The following ZNF652 variants were observed in gnomAD, a reference collection of about 807,000 sequenced individuals.
ZNF652 encodes zinc finger protein 652.
Under a neutral mutation model 45.2 loss-of-function variants are expected in ZNF652, and 16 were observed. The observed-to-expected ratio is 0.35, with a 90% confidence interval of 0.24 to 0.54. The LOEUF (loss-of-function observed/expected upper bound fraction) is 0.54. Among genes scored for constraint, ZNF652 ranks in the 20% least tolerant of loss-of-function variants. The pLI is 0.91. For synonymous variants in ZNF652, 250 were observed against 260.6 expected, an observed-to-expected ratio of 0.96 and a Z score of 0.39; for missense variants, 614 against 765.6, an observed-to-expected ratio of 0.80 and a Z score of 2.34.
chr17:49,306,548 A>G (rs948056335), intron 5 of ZNF652, among the ~76,000 whole-genome samples: 1 of 152,102 alleles, frequency 6.6e-6, no homozygotes, highest in African/African-American at 2.4e-5. Context: ...CAGCCTCCCA[A>G]AGTGCTGGGA....
chr17:49,345,480 G>A (rs2070195297), intron 1 of ZNF652, among the ~76,000 whole-genome samples: 2 of 151,064 alleles, frequency 1.3e-5, no homozygotes, highest in Non-Finnish European at 2.9e-5. Flanking sequence ...GGGATTACAG[G>A]CGTAAGCCAC....
chr17:49,308,407 G>T (rs1185225332), intron 5 of ZNF652, among the ~76,000 whole-genome samples: 1 of 152,138 alleles, frequency 6.6e-6, no homozygotes, highest in African/African-American at 2.4e-5. Context: ...GAACCTCTGG[G>T]CTCAAGATAT....
intron 5 of ZNF652, among the ~76,000 whole-genome samples, chr17:49,303,505 G>A (rs2069583745): frequency 6.6e-6 from 1 of 151,994 alleles, no homozygotes; most frequent in African/African-American, 2.4e-5. Flanking sequence ...CTCCCAAAGT[G>A]CTGAGATTAC....
chr17:49,299,036 G>A lies in ZNF652; in HGVS notation c.1310-112C>T, dbSNP rs959631379. The A allele has an allele frequency of 2.0e-5, 24 of 1,188,198 alleles. No individual in the cohort carries two copies. In the African/African-American group the frequency reaches 2.2e-4, roughly 11 times the overall value. The allele number at this position is 1,188,198 out of a possible 1,614,324, so 73.6% of individuals were successfully genotyped here. On this transcript the variant is annotated intron_variant, in intron 5 of 5. Coordinates refer to ENST00000430262, the MANE Select transcript of ZNF652 (RefSeq NM_001145365.3). ...TCACTATGTTGATCAGGCTGGTCTC[G>A]AACTCCTGGCCTCAAGTGATCCTCC... is the stretch of plus-strand genomic sequence containing the variant.
chr17:49,351,346 A>G, intron 1 of ZNF652, among the ~76,000 whole-genome samples: 1 of 152,074 alleles, frequency 6.6e-6, no homozygotes, highest in East Asian at 1.9e-4. Flanking sequence ...GTAGCCATTG[A>G]AGAATTCACC....
intron 5 of ZNF652, among the ~76,000 whole-genome samples, chr17:49,309,329 T>TA (rs11307814): frequency 0.3 from 19,864 of 66,902 alleles, 2,641 homozygotes; most frequent in South Asian, 0.35. Context: ...CTGTCTCTAC[T>TA]AAAAAAAAAA....
At chr17:49,361,480 G>A in intron 1 of ZNF652, among the ~76,000 whole-genome samples, 1 of 152,218 alleles carries the variant, frequency 6.6e-6, no homozygotes, top group Non-Finnish European at 1.5e-5. Flanking sequence ...GGGGTTGGAG[G>A]TTTGGGTGCA....
Position 49,293,637 on chromosome 17 carries a change from C to A in ZNF652, c.*4776G>T, listed in dbSNP as rs2069432155. Reference sequence around the variant, plus strand: ...ATAATAATGCCACTATTTCTAATGGCTTATGACCTTTCATTCCTAAAAAAA... The same window carrying A: ...ATAATAATGCCACTATTTCTAATGGATTATGACCTTTCATTCCTAAAAAAA... On this transcript the variant is annotated 3_prime_UTR_variant, in exon 6 of 6. Transcript: ENST00000430262. 8.7e-6 allele frequency among the ~76,000 whole-genome samples: 1 copy of A among 114,858 alleles called. No homozygotes were observed. 75.4% of individuals were successfully genotyped at this position (114,858 alleles called of 152,430 possible).
At chr17:49,314,775 G>C (rs779963533) in intron 2 of ZNF652, among the ~76,000 whole-genome samples, 17 of 152,136 alleles carry the variant, frequency 1.1e-4, no homozygotes, top group Non-Finnish European at 2.4e-4. Context: ...TGTCACTTCA[G>C]GTAACAAGAA....
chr17:49,338,938 A>C (rs956954034), intron 1 of ZNF652, among the ~76,000 whole-genome samples: 11 of 152,198 alleles, frequency 7.2e-5, no homozygotes, highest in African/African-American at 2.4e-4. Flanking sequence ...TGACCACTGA[A>C]TTCAGTGACT....
At chr17:49,347,480 G>A (rs1438547047) in intron 1 of ZNF652, among the ~76,000 whole-genome samples, 8 of 152,050 alleles carry the variant, frequency 5.3e-5, no homozygotes, top group South Asian at 2.1e-4. Context: ...TGGGAGGACC[G>A]CTGGAGCCTG....
intron 1 of ZNF652, among the ~76,000 whole-genome samples, chr17:49,334,292 T>C (rs1222097174): frequency 6.6e-6 from 1 of 151,978 alleles, no homozygotes; most frequent in Non-Finnish European, 1.5e-5. Flanking sequence ...ACCAGCCTGG[T>C]CAACATAGCA....
At chr17:49,298,968 T>C in intron 5 of ZNF652, 44 bp from the exon 6 acceptor site, 2 of 1,538,562 alleles carry the variant, frequency 1.3e-6, no homozygotes, top group South Asian at 1.3e-5. Flanking sequence ...TATTAGGTGG[T>C]AATTGTGTGC....
At chr17:49,324,071 G>A (rs1453506363) in intron 1 of ZNF652, among the ~76,000 whole-genome samples, 4 of 152,176 alleles carry the variant, frequency 2.6e-5, no homozygotes, top group Non-Finnish European at 4.4e-5. Context: ...ATCTTCTTTC[G>A]ATATAAGGCA....
intron 5 of ZNF652, among the ~76,000 whole-genome samples, chr17:49,301,750 G>C (rs2069555276): frequency 2.0e-5 from 3 of 152,028 alleles, no homozygotes; most frequent in Non-Finnish European, 4.4e-5. Flanking sequence ...CTTCTGGCAG[G>C]GTGTGTTGTT....
intron 5 of ZNF652, among the ~76,000 whole-genome samples, chr17:49,306,705 T>C (rs2069633719): frequency 6.6e-6 from 1 of 152,212 alleles, no homozygotes; most frequent in Non-Finnish European, 1.5e-5. Flanking sequence ...CTTCCAAAAA[T>C]TTATCCTAAG....
Position 49,298,804 on chromosome 17 carries a change from C to T in ZNF652, c.1430G>A (p.Arg477Gln). 2.5e-6 allele frequency: 4 copies of T among 1,614,018 alleles called. No homozygotes were observed. The highest frequency in any genetic ancestry group is 1.7e-5 in the Admixed American group (1 of 60,002). The change falls in exon 6 of 6, where the codon CGG becomes CAG. Residue 477 changes from arginine to glutamine, a missense_variant. Physicochemically the swap from Arg to Gln is conservative, Grantham distance 43. Around this residue, in one of 5 missense-constraint regions of ZNF652, gnomAD observed 81 missense variants for 167.0 expected, o/e 0.48. Coordinates refer to ENST00000430262, the MANE Select transcript of ZNF652 (RefSeq NM_001145365.3). Reference sequence around the variant, plus strand: ...CTTAAGCATGTTCGAGAAGCGGAACCGCTGGCCACACACATCACATGGATA... The same window carrying T: ...CTTAAGCATGTTCGAGAAGCGGAACTGCTGGCCACACACATCACATGGATA... ...KPYPCDVCGQ[R>Q]FRFSNMLKAH...
intron 1 of ZNF652, among the ~76,000 whole-genome samples, chr17:49,346,064 T>C (rs1219711004): frequency 1.3e-5 from 2 of 152,168 alleles, no homozygotes; most frequent in Non-Finnish European, 2.9e-5. Context: ...ACTACAAGTG[T>C]AGTACAACAG....
Position 49,298,838 on chromosome 17 carries a change from C to T in ZNF652, c.1396G>A (p.Glu466Lys), listed in dbSNP as rs762396737. Residue 466 changes from glutamate (E) to lysine (K), a missense_variant, in exon 6 of 6, where the codon GAG becomes AAG. By Grantham distance (56) the Glu-to-Lys change is moderately conservative (BLOSUM62 1). Coordinates refer to ENST00000430262, the MANE Select transcript of ZNF652 (RefSeq NM_001145365.3). The part of the protein sequence containing the change: ...MKRHRRTHTG[E>K]KPYPCDVCGQ... ...CACACATCACATGGATAGGGCTTCT[C>T]GCCTGTGTGAGTTCTGCGGTGTCTC... The T allele has an allele frequency of 1.9e-6, 3 of 1,614,036 alleles. No homozygotes were observed. The highest frequency in any genetic ancestry group is 1.7e-6 in the Non-Finnish European group (2 of 1,180,042).
Sources: allele counts gnomAD v4.1 joint callset (sites outside exome capture counted in the v4.1 genomes callset), GRCh38; gene constraint gnomAD v4.1.1; regional missense constraint gnomAD v4.1.1; transcripts MANE v1.5; gene names NCBI Gene and HGNC (gene_info 2026-07-23, HGNC 2026-07-21).